ZFR2: variants seen among roughly 807,000 people sequenced by gnomAD.
ZFR2 encodes the protein zinc finger RNA-binding protein 2.
A neutral mutation model predicts 105.7 loss-of-function variants in ZFR2; 104 were observed. The ratio of observed to expected loss-of-function variants is 0.98; its 90% CI spans 0.84 to 1.16. ZFR2 has a LOEUF of 1.16. Among genes scored for constraint, ZFR2 ranks in the 50% most tolerant of loss-of-function variants. The pLI is 0.00. For synonymous variants in ZFR2, 634 were observed against 597.7 expected, an observed-to-expected ratio of 1.06 and a Z score of -0.89; for missense variants, 1,425 against 1,355.5, an observed-to-expected ratio of 1.05 and a Z score of -0.80.
chr19:3,840,565 T>C (rs1387449124), intron 1 of ZFR2, among the ~76,000 whole-genome samples: 1 of 152,104 alleles, frequency 6.6e-6, no homozygotes, highest in Admixed American at 6.6e-5. Flanking sequence ...GGTCTTGCTC[T>C]GTCGCTCAGG....
At chr19:3,810,958 G>T in intron 15 of ZFR2, 113 bp from the exon 16 acceptor site, 1 of 1,214,312 alleles carries the variant, frequency 8.2e-7, no homozygotes, top group Non-Finnish European at 1.1e-6. Flanking sequence ...AGCCTGGCGG[G>T]CCTCGAAGGT....
intron 1 of ZFR2, among the ~76,000 whole-genome samples, chr19:3,866,671 G>GAGAA (rs368416901): frequency 1.3e-3 from 194 of 152,250 alleles, no homozygotes; most frequent in African/African-American, 4.4e-3. Context: ...GAATACAATG[G>GAGAA]AGAAAGAAAG....
intron 6 of ZFR2, among the ~76,000 whole-genome samples, chr19:3,826,667 A>G (rs2037953766): frequency 6.6e-6 from 1 of 150,958 alleles, no homozygotes; most frequent in South Asian, 2.1e-4. Flanking sequence ...CAGGCTCCCA[A>G]CCTCATGCGA....
At chr19:3,824,501 A>G (rs921559276) in intron 7 of ZFR2, among the ~76,000 whole-genome samples, 11 of 152,088 alleles carry the variant, frequency 7.2e-5, no homozygotes, top group African/African-American at 2.4e-4. Flanking sequence ...TGGTACCCAT[A>G]TAACTCTGAT....
intron 6 of ZFR2, 102 bp downstream of exon 6, chr19:3,827,369 C>T (rs2037962303): frequency 7.3e-7 from 1 of 1,364,846 alleles, no homozygotes. Flanking sequence ...GGAGGCTTCT[C>T]CCAGCTCCCT....
intron 12 of ZFR2, 129 bp downstream of exon 12, chr19:3,818,916 G>A: frequency 8.2e-7 from 1 of 1,216,500 alleles, no homozygotes; most frequent in South Asian, 1.6e-5. Flanking sequence ...CCTGGGGCTG[G>A]AAAGCTGCCG....
chr19:3,824,798 G>A (rs768545220), intron 7 of ZFR2, among the ~76,000 whole-genome samples: 12 of 152,238 alleles, frequency 7.9e-5, no homozygotes, highest in Middle Eastern at 3.4e-3. Flanking sequence ...TTAGCCGGGC[G>A]TGGTGGTGCA....
chr19:3,864,755 CTCTT>C (rs146448119), intron 1 of ZFR2, among the ~76,000 whole-genome samples: 180 of 151,760 alleles, frequency 1.2e-3, no homozygotes, highest in Non-Finnish European at 2.1e-3. Flanking sequence ...CTTTTTTTCT[CTCTT>C]TTTCTTGAGA....
intron 1 of ZFR2, among the ~76,000 whole-genome samples, chr19:3,863,677 C>T (rs757447398): frequency 2.6e-5 from 4 of 152,152 alleles, no homozygotes; most frequent in African/African-American, 4.8e-5. Context: ...CAGGTGACAG[C>T]GTAAAGGATG....
At chr19:3,841,413 G>A (rs917135271) in intron 1 of ZFR2, among the ~76,000 whole-genome samples, 7 of 152,122 alleles carry the variant, frequency 4.6e-5, no homozygotes, top group Admixed American at 6.5e-5. Flanking sequence ...ATGCAGGTGC[G>A]GTGGCTCACC....
chr19:3,808,687 T>C (rs1192460827), intron 17 of ZFR2, among the ~76,000 whole-genome samples, 185 bp downstream of exon 17: 1 of 152,222 alleles, frequency 6.6e-6, no homozygotes, highest in African/African-American at 2.4e-5. Context: ...TGCAGGGTGG[T>C]GTCCTCCATG....
At chr19:3,809,356 C>T (rs2037737034) in intron 16 of ZFR2, among the ~76,000 whole-genome samples, 1 of 152,172 alleles carries the variant, frequency 6.6e-6, no homozygotes, top group East Asian at 1.9e-4. Flanking sequence ...TCCACAGTGA[C>T]ATCACATGCC....
At chr19:3,831,246 C>G in intron 5 of ZFR2, 57 bp downstream of exon 5, 1 of 1,439,708 alleles carries the variant, frequency 6.9e-7, no homozygotes. Flanking sequence ...CATTCGGGTT[C>G]AGACGTTGGG....
intron 13 of ZFR2, 61 bp from the exon 14 acceptor site, chr19:3,814,019 A>G: frequency 6.3e-7 from 1 of 1,599,762 alleles, no homozygotes; most frequent in Non-Finnish European, 8.5e-7. Flanking sequence ...TGTGTAAATC[A>G]GCCAGGATGT....
At chr19:3,852,731 C>A (rs1489134343) in intron 1 of ZFR2, 3 of 637,810 alleles carry the variant, frequency 4.7e-6, no homozygotes, top group Non-Finnish European at 8.7e-6. Context: ...CCAGCAAAAA[C>A]ACAGCTCCTG....
rs1817256622 is a variant in ZFR2 at position 3,831,679 on chromosome 19, G to A, written c.579C>T (p.Pro193=). The A allele has an allele frequency of 6.4e-7, 1 of 1,563,222 alleles. No individual in the cohort carries two copies. The highest frequency in any genetic ancestry group is 1.3e-5 in the African/African-American group (1 of 74,210). The change falls in exon 4 of 19, where the codon CCC becomes CCT. Residue 193 remains proline (P), a synonymous_variant. Transcript: ENST00000262961. Reference sequence around the variant, plus strand: ...TCTTACCCGTGTAGGCGGTGCAGGTGGGGTTGTAGGAGGGCGGGGGGTAGG... The same window carrying A: ...TCTTACCCGTGTAGGCGGTGCAGGTAGGGTTGTAGGAGGGCGGGGGGTAGG... ...VTSYPPPSYN[P]TCTAYTAPSY...
intron 1 of ZFR2, among the ~76,000 whole-genome samples, chr19:3,865,562 T>A (rs1276508578): frequency 6.6e-6 from 1 of 152,006 alleles, no homozygotes; most frequent in African/African-American, 2.4e-5. Context: ...CTCATCATTT[T>A]GCCCAGGCTA....
At position 3,869,012 on chromosome 19, in the gene ZFR2, C is replaced by T. The variant is rs1347884017; in HGVS notation, c.6G>A (p.Ala2=). M[A]TSQYFDFAQG... Reference sequence around the variant, plus strand: ...GCGCGAAGTCGAAATACTGACTCGTCGCCATCTTGGCGTCTTCCCCGAGCC... The same window carrying T: ...GCGCGAAGTCGAAATACTGACTCGTTGCCATCTTGGCGTCTTCCCCGAGCC... The change falls in exon 1 of 19, where the codon GCG becomes GCA. Residue 2 remains alanine (A), a synonymous_variant. Transcript: ENST00000262961. The T allele has an allele frequency of 7.9e-5, 108 of 1,371,112 alleles. 1 individual carries two copies. Among genetic ancestry groups the T allele is most frequent in the Non-Finnish European group, 1.0e-4 (107 of 1,051,824 alleles). The allele number at this position is 1,371,112 out of a possible 1,614,324, so 84.9% of individuals were successfully genotyped here.
At chr19:3,816,565 A>T (rs1363950375) in intron 13 of ZFR2, 109 bp downstream of exon 13, 27 of 1,435,554 alleles carry the variant, frequency 1.9e-5, no homozygotes, top group Admixed American at 2.7e-5. Flanking sequence ...TTGTACCTTA[A>T]AGTTGTGTAG....
Sources: allele counts gnomAD v4.1 joint callset (sites outside exome capture counted in the v4.1 genomes callset), GRCh38; gene constraint gnomAD v4.1.1; transcripts MANE v1.5; gene names NCBI Gene and HGNC (gene_info 2026-07-23, HGNC 2026-07-21).